The following WDFY2 variants were observed in gnomAD, a reference collection of about 807,000 sequenced individuals.
WDFY2 encodes the protein WD repeat and FYVE domain containing 2.
WDFY2 carries 36 observed loss-of-function variants against 56.4 expected under a neutral mutation model. The ratio of observed to expected loss-of-function variants is 0.64; its 90% CI spans 0.49 to 0.84. The LOEUF (loss-of-function observed/expected upper bound fraction) is 0.84, where lower values mean the gene tolerates loss of function less well. Ranked by LOEUF, WDFY2 falls within the 40% of genes least tolerant of loss-of-function variation. The pLI, the probability that WDFY2 is intolerant of heterozygous loss-of-function variation, is 0.00. For missense variants in WDFY2, 444 were observed against 512.2 expected (o/e 0.87, Z 1.29); for synonymous variants, 176 against 183.7 (o/e 0.96, Z 0.34).
intron 6 of WDFY2, among the ~76,000 whole-genome samples, chr13:51,728,211 A>G (rs540625276): frequency 1.1e-3 from 162 of 152,338 alleles, no homozygotes; most frequent in Non-Finnish European, 1.5e-3. Context: ...TCCAAGTCAC[A>G]TGAAAAGACA....
chr13:51,684,368 GTT>G (rs79338211), intron 3 of WDFY2, among the ~76,000 whole-genome samples: 28 of 135,376 alleles, frequency 2.1e-4, no homozygotes, highest in African/African-American at 2.4e-4. Context: ...AGTATTTGGT[GTT>G]TTTTTTTTTT....
rs540707144 is a variant in WDFY2 at position 51,628,168 on chromosome 13, G to A, written c.138-32428G>A. Reference sequence around the variant, plus strand: ...GCCATCCACGGCACCCAGGCTGTTCGTGCTGAGAGGCACCTGCAGTCCTGC... The same window carrying A: ...GCCATCCACGGCACCCAGGCTGTTCATGCTGAGAGGCACCTGCAGTCCTGC... On this transcript the variant is annotated intron_variant, in intron 1 of 11. Transcript: ENST00000298125. Among the ~76,000 whole-genome samples the A allele has an allele frequency of 5.9e-5, 9 of 152,310 alleles. No individual in the cohort carries two copies. In the East Asian group the frequency reaches 7.7e-4, roughly 13 times the overall value.
At chr13:51,590,019 C>T (rs1954014963) in intron 1 of WDFY2, 1 of 152,134 alleles carries the variant, frequency 6.6e-6, no homozygotes, top group African/African-American at 2.4e-5. Flanking sequence ...TATGGGAAAG[C>T]TTATTTGAGG....
At chr13:51,603,213 A>G (rs1954320091) in intron 1 of WDFY2, among the ~76,000 whole-genome samples, 1 of 152,230 alleles carries the variant, frequency 6.6e-6, no homozygotes, top group Admixed American at 6.5e-5. Flanking sequence ...CTTCTTGTTT[A>G]GACACCACAT....
intron 2 of WDFY2, among the ~76,000 whole-genome samples, chr13:51,673,164 T>C (rs1955833184): frequency 6.6e-6 from 1 of 152,170 alleles, no homozygotes; most frequent in South Asian, 2.1e-4. Context: ...TATAGGAAAT[T>C]GGGGAAAAAA....
At chr13:51,696,769 CA>C (rs1951885741) in intron 3 of WDFY2, among the ~76,000 whole-genome samples, 1 of 152,144 alleles carries the variant, frequency 6.6e-6, no homozygotes, top group Non-Finnish European at 1.5e-5. Context: ...CATTTATAAA[CA>C]ATCTATCAAG....
At chr13:51,677,179 A>G (rs1416871565) in intron 3 of WDFY2, among the ~76,000 whole-genome samples, 1 of 152,230 alleles carries the variant, frequency 6.6e-6, no homozygotes, top group Non-Finnish European at 1.5e-5. Flanking sequence ...GTCAGGGTCC[A>G]TCTTTCCAAG....
chr13:51,646,591 T>C (rs972917360), intron 1 of WDFY2, among the ~76,000 whole-genome samples: 1 of 152,220 alleles, frequency 6.6e-6, no homozygotes, highest in African/African-American at 2.4e-5. Flanking sequence ...CACATACCAG[T>C]ACCTAGTAGG....
chr13:51,692,391 T>G (rs1951759607), intron 3 of WDFY2, among the ~76,000 whole-genome samples: 1 of 152,154 alleles, frequency 6.6e-6, no homozygotes, highest in South Asian at 2.1e-4. Context: ...TTACTGAGAG[T>G]TTTTAGCATG....
At chr13:51,687,842 C>G (rs1956087220) in intron 3 of WDFY2, among the ~76,000 whole-genome samples, 1 of 151,954 alleles carries the variant, frequency 6.6e-6, no homozygotes, top group Admixed American at 6.6e-5. Context: ...TCTTGAAATT[C>G]AGAACAGAAA....
intron 3 of WDFY2, among the ~76,000 whole-genome samples, chr13:51,683,724 C>T (rs1956015066): frequency 6.6e-6 from 1 of 152,222 alleles, no homozygotes; most frequent in South Asian, 2.1e-4. Context: ...GCTCCACCTA[C>T]TGTGTGATCT....
At chr13:51,608,550 C>T (rs1181685674) in intron 1 of WDFY2, among the ~76,000 whole-genome samples, 1 of 152,146 alleles carries the variant, frequency 6.6e-6, no homozygotes, top group Non-Finnish European at 1.5e-5. Context: ...GGTGTGGTGG[C>T]GCATGCCTGT....
At chr13:51,663,556 C>T (rs1343548624) in intron 2 of WDFY2, among the ~76,000 whole-genome samples, 2 of 152,192 alleles carry the variant, frequency 1.3e-5, no homozygotes, top group Non-Finnish European at 1.5e-5. Flanking sequence ...AGGAATCTTA[C>T]GCATTCAGAT....
intron 1 of WDFY2, among the ~76,000 whole-genome samples, chr13:51,599,977 C>A (rs1954236702): frequency 6.6e-6 from 1 of 152,068 alleles, no homozygotes; most frequent in Admixed American, 6.5e-5. Context: ...CACTGTGACA[C>A]AAAAACCTTC....
At chr13:51,703,767 T>C in intron 4 of WDFY2, 117 bp downstream of exon 4, 1 of 834,918 alleles carries the variant, frequency 1.2e-6, no homozygotes, top group East Asian at 3.0e-5. Context: ...CAGAGCAACC[T>C]TTTGAGTGAG....
intron 7 of WDFY2, among the ~76,000 whole-genome samples, chr13:51,746,448 C>G (rs1245416814): frequency 6.6e-6 from 1 of 152,196 alleles, no homozygotes; most frequent in African/African-American, 2.4e-5. Flanking sequence ...GCCAGTTTTC[C>G]TGGGAAGGCT....
At chr13:51,732,240 C>T (rs1183868914) in intron 6 of WDFY2, among the ~76,000 whole-genome samples, 2 of 152,026 alleles carry the variant, frequency 1.3e-5, no homozygotes, top group East Asian at 1.9e-4. Flanking sequence ...AAGCAATTCT[C>T]CTGCCTCAGC....
chr13:51,719,299 G>T lies in WDFY2; in HGVS notation c.436G>T (p.Gly146Trp), dbSNP rs781284584. Residue 146 changes from glycine (G) to tryptophan (W), a missense_variant, in exon 5 of 12, where the codon GGG (glycine) becomes TGG (tryptophan). Coordinates refer to ENST00000298125, the MANE Select transcript of WDFY2 (RefSeq NM_052950.4). Reference sequence around the variant, plus strand: ...ATTTGCCTGGCACTGCTCTGAGAGTGGGCAGCGCCTGGGAGGTTATCGGAC... The same window carrying T: ...ATTTGCCTGGCACTGCTCTGAGAGTTGGCAGCGCCTGGGAGGTTATCGGAC... ...KQFAWHCSES[G>W]QRLGGYRTSA... The T allele has an allele frequency of 1.2e-6, 2 of 1,613,690 alleles. No individual in the cohort carries two copies. The highest frequency in any genetic ancestry group is 3.3e-5 in the Admixed American group (2 of 59,942).
At chr13:51,682,910 A>C (rs1197689064) in intron 3 of WDFY2, among the ~76,000 whole-genome samples, 4 of 152,148 alleles carry the variant, frequency 2.6e-5, no homozygotes, top group African/African-American at 9.7e-5. Flanking sequence ...GGACTATTCA[A>C]CTTATTTCTG....
Sources: allele counts gnomAD v4.1 joint callset (sites outside exome capture counted in the v4.1 genomes callset), GRCh38; gene constraint gnomAD v4.1.1; transcripts MANE v1.5; gene names NCBI Gene and HGNC (gene_info 2026-07-23, HGNC 2026-07-21).